PECAM1: variants seen among roughly 807,000 people sequenced by gnomAD.
PECAM1 encodes platelet endothelial cell adhesion molecule.
Under a neutral mutation model 13.8 loss-of-function variants are expected in PECAM1, and 8 were observed. That is an observed-to-expected ratio of 0.58 (90% confidence interval 0.34 to 1.05). The LOEUF (loss-of-function observed/expected upper bound fraction) is 1.05, where lower values mean the gene tolerates loss of function less well. PECAM1 is among the 50% of genes least tolerant of loss of function. PECAM1 has a pLI of 0.03. For synonymous variants in PECAM1, 136 were observed against 52.6 expected (o/e 2.58, Z -6.86); for missense variants, 304 against 141.2 (o/e 2.15, Z -5.84).
intron 6 of PECAM1, among the ~76,000 whole-genome samples, chr17:64,361,129 ATGTGTGTGTG>A (rs145637288): frequency 2.2e-5 from 3 of 137,176 alleles, no homozygotes; most frequent in South Asian, 4.8e-4. Flanking sequence ...CTGAGCATAT[ATGTGTGTGTG>A]TGTGTGTGTG....
intron 14 of PECAM1, among the ~76,000 whole-genome samples, chr17:64,339,269 C>T (rs1340615250): frequency 2.0e-5 from 3 of 152,210 alleles, no homozygotes; most frequent in Non-Finnish European, 2.9e-5. Context: ...CGGGGAGGAA[C>T]GATTCTCAGG....
Position 64,321,730 on chromosome 17 carries a change from C to T in PECAM1, c.*2086G>A. On this transcript the variant is annotated 3_prime_UTR_variant, in exon 16 of 16. Coordinates refer to ENST00000563924, the MANE Select transcript of PECAM1 (RefSeq NM_000442.5). ...GAGCCATTGTTGTGCCACTGCACTC[C>T]AGCCTGGGCAACAGAGCAAGCCCCT... 1 of 1,144,448 alleles carries T rather than the reference C, an allele frequency of 8.7e-7. No homozygotes were observed. Among genetic ancestry groups the T allele is most frequent in the Non-Finnish European group, 1.1e-6 (1 of 883,908 alleles). 70.9% of individuals were successfully genotyped at this position (1,144,448 alleles called of 1,614,324 possible).
chr17:64,371,000 G>C (rs2036225709), intron 4 of PECAM1, among the ~76,000 whole-genome samples: 1 of 152,198 alleles, frequency 6.6e-6, no homozygotes, highest in Admixed American at 6.5e-5. Context: ...AGTAAAAAAG[G>C]GGAAGGCATC....
chr17:64,334,166 T>C (rs2035205271), intron 14 of PECAM1, among the ~76,000 whole-genome samples: 1 of 144,580 alleles, frequency 6.9e-6, no homozygotes. Flanking sequence ...AAGCCAAGAC[T>C]GGAAAGACCA....
chr17:64,383,384 A>T (rs1210906692), intron 2 of PECAM1, among the ~76,000 whole-genome samples: 1 of 151,934 alleles, frequency 6.6e-6, no homozygotes. Context: ...TAACCTAAAC[A>T]GTGACTGCGC....
intron 13 of PECAM1, among the ~76,000 whole-genome samples, chr17:64,347,951 G>C (rs1373376785): frequency 6.6e-6 from 1 of 151,774 alleles, no homozygotes; most frequent in Non-Finnish European, 1.5e-5. Context: ...GGCTGGTCTC[G>C]AACTCCTGAT....
intron 3 of PECAM1, among the ~76,000 whole-genome samples, chr17:64,376,183 T>C (rs1414186522): frequency 1.7e-4 from 26 of 152,192 alleles, no homozygotes; most frequent in African/African-American, 6.0e-4. Flanking sequence ...CAGGCACCTG[T>C]AATCCCAGCT....
intron 14 of PECAM1, among the ~76,000 whole-genome samples, chr17:64,336,856 T>C (rs1245674698): frequency 6.9e-6 from 1 of 145,130 alleles, no homozygotes; most frequent in African/African-American, 2.6e-5. Context: ...AGACTCTGTC[T>C]TACAAAAAAG....
chr17:64,356,539 A>G, intron 7 of PECAM1, 141 bp from the exon 8 acceptor site: 2 of 394,670 alleles, frequency 5.1e-6, no homozygotes, highest in Non-Finnish European at 9.0e-6. Context: ...CAGTGGTATA[A>G]TCTCAGCTTA....
At chr17:64,345,274 G>C (rs987015840) in intron 13 of PECAM1, among the ~76,000 whole-genome samples, 3 of 152,274 alleles carry the variant, frequency 2.0e-5, no homozygotes, top group African/African-American at 7.2e-5. Context: ...GATCCCTGAA[G>C]GTTAGGAGGG....
rs77067216 is a variant in PECAM1 at position 64,322,727 on chromosome 17, T to C, written c.*1089A>G. The C allele has an allele frequency of 1.3e-4, 58 of 448,680 alleles. No homozygotes were observed. Among genetic ancestry groups the C allele is most frequent in the East Asian group, 5.8e-4 (1 of 1,716 alleles). The allele number at this position is 448,680 out of a possible 1,614,324, so 27.8% of individuals were successfully genotyped here. On this transcript the variant is annotated 3_prime_UTR_variant, in exon 16 of 16. Transcript: ENST00000563924. ...TTTAGCAAGCAATTTTGTTTTTTGT[T>C]TTTTTTGAGATGGATTCTCACTCTG...
Position 64,350,425 on chromosome 17 carries a change from C to A in PECAM1, c.1999G>T (p.Asp667Tyr). ...MEANSHYGHNDDVRNHAMKPI... is the reference protein window; with the variant it reads ...MEANSHYGHNYDVRNHAMKPI... ...TTCATTGCATGGTTTCTGACATCGT[C>A]ATTGTGACCTAGTTGAAAAATAACA... Residue 667 changes from aspartate to tyrosine, a missense_variant, in exon 12 of 16, where the codon GAC becomes TAC. Coordinates refer to ENST00000563924, the MANE Select transcript of PECAM1 (RefSeq NM_000442.5). 2.3e-6 allele frequency: 1 copy of A among 430,676 alleles called. No homozygotes were observed. The highest frequency in any genetic ancestry group is 1.1e-4 in the South Asian group (1 of 9,454). The allele number at this position is 430,676 out of a possible 1,614,324, so 26.7% of individuals were successfully genotyped here. A position where few individuals can be genotyped will look rare whatever the true frequency, so the allele number is the denominator to read the frequency against.
Position 64,390,507 on chromosome 17 carries a change from G to A in PECAM1, c.73C>T (p.Leu25Phe). ...GACTTACAGTTTTCTTGACCCTCAA[G>A]GCTTGAACCTGCAAGAAACATAAGA... ...VLLTLLLCSS[L>F]EGQENSFTIN... Residue 25 changes from leucine (L) to phenylalanine (F), a missense_variant, in exon 2 of 16, where the codon CTT (leucine) becomes TTT (phenylalanine). Physicochemically the swap from Leu to Phe is conservative, Grantham distance 22 (BLOSUM62 0). Transcript: ENST00000563924. 4 of 474,310 alleles carry A rather than the reference G, an allele frequency of 8.4e-6. No individual in the cohort carries two copies. Among genetic ancestry groups the A allele is most frequent in the Non-Finnish European group, 1.5e-5 (4 of 258,596 alleles). The allele number at this position is 474,310 out of a possible 1,614,324, so 29.4% of individuals were successfully genotyped here. A position where few individuals can be genotyped will look rare whatever the true frequency, so the allele number is the denominator to read the frequency against.
intron 2 of PECAM1, among the ~76,000 whole-genome samples, chr17:64,382,611 C>A (rs1035038673): frequency 1.3e-4 from 20 of 152,100 alleles, no homozygotes; most frequent in Non-Finnish European, 2.6e-4. Context: ...AACGCCTGGC[C>A]TCAAGCAATC....
intron 15 of PECAM1, among the ~76,000 whole-genome samples, chr17:64,324,520 C>A (rs185756826): frequency 2.4e-3 from 361 of 152,262 alleles, no homozygotes; most frequent in Middle Eastern, 6.8e-3. Context: ...CCCAAGGGTG[C>A]CCCACTTACC....
intron 4 of PECAM1, among the ~76,000 whole-genome samples, chr17:64,374,068 G>A (rs2036302237): frequency 1.3e-5 from 2 of 152,050 alleles, no homozygotes; most frequent in Non-Finnish European, 2.9e-5. Context: ...TGAGGACCTG[G>A]CCCCTCTTTC....
At chr17:64,381,194 CTG>C (rs2036474725) in intron 2 of PECAM1, among the ~76,000 whole-genome samples, 1 of 152,266 alleles carries the variant, frequency 6.6e-6, no homozygotes, top group African/African-American at 2.4e-5. Flanking sequence ...CCAGGAAACA[CTG>C]TGTTTATGCT....
chr17:64,347,687 A>ATAT, intron 13 of PECAM1, among the ~76,000 whole-genome samples: 1 of 145,348 alleles, frequency 6.9e-6, no homozygotes, highest in Non-Finnish European at 1.5e-5. Flanking sequence ...TATATATTAT[A>ATAT]TATGTATTTA....
At chr17:64,388,040 T>C (rs1001461820) in intron 2 of PECAM1, among the ~76,000 whole-genome samples, 2 of 150,640 alleles carry the variant, frequency 1.3e-5, no homozygotes, top group Admixed American at 6.7e-5. Flanking sequence ...TTTCCTTGAG[T>C]GTAAAACAAG....
Sources: allele counts gnomAD v4.1 joint callset (sites outside exome capture counted in the v4.1 genomes callset), GRCh38; gene constraint gnomAD v4.1.1; transcripts MANE v1.5; gene names NCBI Gene and HGNC (gene_info 2026-07-23, HGNC 2026-07-21).